SPATS2: variants seen among roughly 807,000 people sequenced by gnomAD.
SPATS2 encodes the protein spermatogenesis associated serine rich 2.
In SPATS2, 38 loss-of-function variants were observed where a neutral mutation model predicts 63.7. That is an observed-to-expected ratio of 0.60 (90% CI 0.46 to 0.78). The LOEUF is 0.78. Among genes scored for constraint, SPATS2 ranks in the 30% least tolerant of loss-of-function variants. SPATS2 has a pLI of 0.00. For synonymous variants in SPATS2, 207 were observed against 232.9 expected, an observed-to-expected ratio of 0.89 and a Z score of 1.01; for missense variants, 588 against 666.2, an observed-to-expected ratio of 0.88 and a Z score of 1.29.
intron 2 of SPATS2, among the ~76,000 whole-genome samples, chr12:49,450,234 C>CT (rs897338922): frequency 1.0e-4 from 15 of 148,454 alleles, no homozygotes; most frequent in South Asian, 2.2e-4. Context: ...TGAGTGGAGT[C>CT]TTTTTTTTTT....
intron 2 of SPATS2, among the ~76,000 whole-genome samples, chr12:49,441,399 C>G (rs576754772): frequency 3.3e-5 from 5 of 152,306 alleles, no homozygotes; most frequent in Middle Eastern, 3.4e-3. Context: ...TTTCTGCCCT[C>G]TTTCCTAAAA....
intron 5 of SPATS2, chr12:49,490,065 T>C: frequency 6.5e-6 from 1 of 153,604 alleles, no homozygotes; most frequent in East Asian, 1.9e-4. Context: ...TTCAGATTTA[T>C]AACATTGAGA....
chr12:49,431,183 A>G (rs902711457), intron 2 of SPATS2, among the ~76,000 whole-genome samples: 1 of 152,090 alleles, frequency 6.6e-6, no homozygotes, highest in Non-Finnish European at 1.5e-5. Context: ...CAGTTTTTAT[A>G]TATGTGCAAA....
intron 2 of SPATS2, among the ~76,000 whole-genome samples, chr12:49,400,180 A>G (rs1945616101): frequency 6.6e-6 from 1 of 152,152 alleles, no homozygotes; most frequent in African/African-American, 2.4e-5. Flanking sequence ...GGTATACTAG[A>G]TGTTGCAGAT....
intron 8 of SPATS2, among the ~76,000 whole-genome samples, chr12:49,497,456 G>T (rs1233157792): frequency 6.7e-6 from 1 of 148,850 alleles, no homozygotes; most frequent in Non-Finnish European, 1.5e-5. Context: ...GTGCAGTGGC[G>T]CAGTCTTGGC....
intron 2 of SPATS2, among the ~76,000 whole-genome samples, chr12:49,398,683 A>T (rs1283708540): frequency 6.6e-6 from 1 of 152,190 alleles, no homozygotes. Context: ...AATTGATGGT[A>T]TATTTACTTG....
At chr12:49,437,767 G>A (rs951475076) in intron 2 of SPATS2, among the ~76,000 whole-genome samples, 3 of 151,836 alleles carry the variant, frequency 2.0e-5, no homozygotes, top group East Asian at 3.9e-4. Context: ...GCAGTGAGCC[G>A]AGATGGCAGC....
chr12:49,378,938 G>A (rs1944159598), intron 2 of SPATS2, among the ~76,000 whole-genome samples: 1 of 150,962 alleles, frequency 6.6e-6, no homozygotes, highest in South Asian at 2.1e-4. Flanking sequence ...TTATTTTTGA[G>A]ATGGAGTCTC....
intron 2 of SPATS2, among the ~76,000 whole-genome samples, chr12:49,393,673 T>C (rs1944458505): frequency 6.6e-6 from 1 of 152,218 alleles, no homozygotes. Context: ...ATTATTCTTA[T>C]TGATGTTCAT....
At chr12:49,374,788 T>G (rs1345880645) in intron 2 of SPATS2, among the ~76,000 whole-genome samples, 5 of 151,756 alleles carry the variant, frequency 3.3e-5, no homozygotes, top group Admixed American at 1.3e-4. Flanking sequence ...TGGCGAAACC[T>G]CATCTCTACT....
intron 2 of SPATS2, among the ~76,000 whole-genome samples, chr12:49,394,897 T>C (rs968368921): frequency 1.3e-5 from 2 of 149,408 alleles, no homozygotes; most frequent in Non-Finnish European, 3.0e-5. Context: ...CATAACCCTG[T>C]CTCTACTAAA....
intron 9 of SPATS2, among the ~76,000 whole-genome samples, chr12:49,502,128 A>C (rs1202351709): frequency 3.3e-5 from 5 of 152,220 alleles, no homozygotes; most frequent in Non-Finnish European, 7.3e-5. Context: ...TGAAAAGAAC[A>C]AACCATACAT....
At chr12:49,374,958 CAAAAAAAAAAAA>C (rs10687716) in intron 2 of SPATS2, among the ~76,000 whole-genome samples, 30 of 24,740 alleles carry the variant, frequency 1.2e-3, no homozygotes, top group Admixed American at 7.7e-3. Flanking sequence ...GGATCTGTCT[CAAAAAAAAAAAA>C]AAAAAAAAAA....
At chr12:49,378,598 A>G (rs1454388665) in intron 2 of SPATS2, among the ~76,000 whole-genome samples, 3 of 151,278 alleles carry the variant, frequency 2.0e-5, no homozygotes, top group Non-Finnish European at 4.4e-5. Context: ...CGCCCGGCCA[A>G]TTTTATTTTT....
chr12:49,482,695 A>G (rs1165308832), intron 3 of SPATS2, among the ~76,000 whole-genome samples: 2 of 152,222 alleles, frequency 1.3e-5, no homozygotes, highest in Non-Finnish European at 2.9e-5. Context: ...GCTGCTTTAT[A>G]TATTTTTAAT....
At chr12:49,373,798 A>C (rs1449301782) in intron 2 of SPATS2, among the ~76,000 whole-genome samples, 2 of 152,168 alleles carry the variant, frequency 1.3e-5, no homozygotes, top group African/African-American at 4.8e-5. Flanking sequence ...GGTGGCATAC[A>C]CCTGTAGTCG....
At chr12:49,379,735 G>C (rs1352964960) in intron 2 of SPATS2, among the ~76,000 whole-genome samples, 2 of 147,190 alleles carry the variant, frequency 1.4e-5, no homozygotes, top group African/African-American at 5.0e-5. Context: ...TGATTCTCCT[G>C]TCTGAGCCTC....
chr12:49,479,289 TG>T (rs1303506892), intron 3 of SPATS2, among the ~76,000 whole-genome samples: 7 of 152,194 alleles, frequency 4.6e-5, no homozygotes, highest in African/African-American at 1.7e-4. Context: ...GGCCTGACAG[TG>T]GGGCCTAACC....
intron 3 of SPATS2, among the ~76,000 whole-genome samples, chr12:49,473,613 G>A (rs1287509035): frequency 6.6e-6 from 1 of 152,200 alleles, no homozygotes; most frequent in African/African-American, 2.4e-5. Flanking sequence ...ATTGAAAACA[G>A]CATTGTTTGT....
Sources: allele counts gnomAD v4.1 joint callset (sites outside exome capture counted in the v4.1 genomes callset), GRCh38; gene constraint gnomAD v4.1.1; transcripts MANE v1.5; gene names NCBI Gene and HGNC (gene_info 2026-07-23, HGNC 2026-07-21).